The following ZNF385D variants were observed in gnomAD, a reference collection of about 807,000 sequenced individuals.
ZNF385D encodes zinc finger protein 659.
A neutral mutation model predicts 35.8 loss-of-function variants in ZNF385D; 15 were observed. The observed-to-expected ratio is 0.42, with a 90% confidence interval of 0.28 to 0.64. ZNF385D has a LOEUF of 0.64. Among genes scored for constraint, ZNF385D ranks in the 30% least tolerant of loss-of-function variants. The pLI is 0.23. For synonymous variants in ZNF385D, 212 were observed against 186.8 expected (o/e 1.13, Z -1.10); for missense variants, 474 against 494.6 (o/e 0.96, Z 0.39).
intron 3 of ZNF385D, among the ~76,000 whole-genome samples, chr3:22,097,737 G>A (rs1701708002): frequency 6.6e-6 from 1 of 152,064 alleles, no homozygotes; most frequent in African/African-American, 2.4e-5. Context: ...AGCAGCAGCA[G>A]CAGGCAGACT....
In ZNF385D at chr3:22,162,192, T is replaced by C. The variant is rs142809542; in HGVS notation, c.325+6625A>G. On this transcript the variant is annotated intron_variant, in intron 3 of 5. Transcript: ENST00000494108. Reference sequence around the variant, plus strand: ...TGTTGCATTTGCACAATAAAACACATTGTGCATATTTCTTACTGAGACTTT... The same window carrying C: ...TGTTGCATTTGCACAATAAAACACACTGTGCATATTTCTTACTGAGACTTT... Among the ~76,000 whole-genome samples, 21 of 152,222 alleles carry C rather than the reference T, an allele frequency of 1.4e-4. No homozygotes were observed. The East Asian group carries it at 4.1e-3, about 29-fold the overall frequency.
intron 3 of ZNF385D, among the ~76,000 whole-genome samples, chr3:21,794,400 G>A (rs886783310): frequency 1.3e-5 from 2 of 151,996 alleles, no homozygotes; most frequent in African/African-American, 2.4e-5. Context: ...TCATTGAAAC[G>A]ACAGAAAACA....
chr3:21,556,894 T>C (rs1428427449), intron 3 of ZNF385D, among the ~76,000 whole-genome samples: 5 of 152,218 alleles, frequency 3.3e-5, no homozygotes, highest in Admixed American at 3.3e-4. Flanking sequence ...TCACATCCCA[T>C]GTAAGTTGTA....
At chr3:22,202,100 CCTTT>C (rs1696836059) in intron 2 of ZNF385D, among the ~76,000 whole-genome samples, 1 of 151,984 alleles carries the variant, frequency 6.6e-6, no homozygotes, top group South Asian at 2.1e-4. Context: ...TGATTATTTG[CCTTT>C]CTTTAGTTCA....
At chr3:22,123,950 CTCTCTCTCTCTCTATATATATA>C (rs1257020370) in intron 3 of ZNF385D, among the ~76,000 whole-genome samples, 2 of 103,196 alleles carry the variant, frequency 1.9e-5, no homozygotes, top group Non-Finnish European at 2.0e-5. Flanking sequence ...CTCTCTCTCT[CTCTCTCTCTCTCTATATATATA>C]TATATATATA....
chr3:21,492,963 A>G (rs1340676602), intron 4 of ZNF385D, among the ~76,000 whole-genome samples: 1 of 152,052 alleles, frequency 6.6e-6, no homozygotes, highest in East Asian at 1.9e-4. Context: ...CAAATAATGC[A>G]TTATATCATT....
chr3:22,236,000 A>C (rs910804215), intron 2 of ZNF385D, among the ~76,000 whole-genome samples: 4 of 152,176 alleles, frequency 2.6e-5, no homozygotes, highest in African/African-American at 9.7e-5. Flanking sequence ...CACAAAATGC[A>C]CAAGATACAG....
intron 4 of ZNF385D, among the ~76,000 whole-genome samples, chr3:21,499,543 T>G (rs1706210592): frequency 6.6e-6 from 1 of 151,894 alleles, no homozygotes. Context: ...GCTCATTACC[T>G]AGGTGATGAA....
At chr3:22,288,647 C>A (rs563050916) in intron 2 of ZNF385D, among the ~76,000 whole-genome samples, 211 of 152,186 alleles carry the variant, frequency 1.4e-3, no homozygotes, top group African/African-American at 4.5e-3. Flanking sequence ...GCTCCCCTAA[C>A]CTCAGTGAGT....
At chr3:21,449,161 CAG>C (rs1702314867) in intron 4 of ZNF385D, among the ~76,000 whole-genome samples, 1 of 151,368 alleles carries the variant, frequency 6.6e-6, no homozygotes, top group African/African-American at 2.4e-5. Flanking sequence ...TATTTTACGG[CAG>C]AGTTATATTA....
intron 3 of ZNF385D, among the ~76,000 whole-genome samples, chr3:21,869,599 G>A (rs1240985559): frequency 6.6e-6 from 1 of 151,980 alleles, no homozygotes; most frequent in African/African-American, 2.4e-5. Flanking sequence ...CTAAATACAG[G>A]CTTAAAATGT....
intron 3 of ZNF385D, among the ~76,000 whole-genome samples, chr3:21,904,980 G>C (rs966909126): frequency 6.6e-6 from 1 of 151,792 alleles, no homozygotes; most frequent in African/African-American, 2.4e-5. Flanking sequence ...TTTTTGATGA[G>C]TGAAAAATAA....
chr3:21,987,593 C>T (rs1210677283), intron 3 of ZNF385D, among the ~76,000 whole-genome samples: 2 of 131,220 alleles, frequency 1.5e-5, no homozygotes, highest in East Asian at 2.1e-4. Context: ...TCTCTGGCTG[C>T]CCTTAACATT....
At chr3:22,347,434 G>A (rs114512936) in intron 2 of ZNF385D, among the ~76,000 whole-genome samples, 2,046 of 152,188 alleles carry the variant, frequency 0.013, 54 homozygotes, top group African/African-American at 0.046. Context: ...AACTGTACTT[G>A]ATCTATAGCC....
At position 22,257,552 on chromosome 3, in the gene ZNF385D, G is replaced by A. The variant is rs557872209; in HGVS notation, c.107-88517C>T. Among the ~76,000 whole-genome samples the A allele has an allele frequency of 8.6e-5, 13 of 151,586 alleles. No homozygotes were observed. In the South Asian group the frequency reaches 2.7e-3, roughly 32 times the overall value. On this transcript the variant is annotated intron_variant, in intron 2 of 5. Coordinates refer to the ZNF385D transcript ENST00000494108. ...AGGTTTTCTCCAGAATTTCATACGTGGTTTTCTTCTATTTCAATCTATATA... is the reference window on the plus strand; with the variant it reads ...AGGTTTTCTCCAGAATTTCATACGTAGTTTTCTTCTATTTCAATCTATATA...
chr3:21,692,684 A>G (rs1446024161), intron 1 of ZNF385D, among the ~76,000 whole-genome samples: 1 of 152,154 alleles, frequency 6.6e-6, no homozygotes, highest in Non-Finnish European at 1.5e-5. Flanking sequence ...ATCCCTCCCA[A>G]AGAGTGCATG....
intron 2 of ZNF385D, among the ~76,000 whole-genome samples, chr3:21,567,425 G>A (rs1161731400): frequency 6.6e-6 from 1 of 152,008 alleles, no homozygotes; most frequent in Non-Finnish European, 1.5e-5. Context: ...AATGCACAGA[G>A]CTTGAGAAAG....
chr3:22,087,555 G>A (rs1701111027), intron 3 of ZNF385D, among the ~76,000 whole-genome samples: 1 of 152,034 alleles, frequency 6.6e-6, no homozygotes, highest in Admixed American at 6.6e-5. Context: ...GATTTTTCTT[G>A]GACTGTGAGG....
At chr3:22,136,874 C>T (rs760381490) in intron 3 of ZNF385D, among the ~76,000 whole-genome samples, 5 of 152,062 alleles carry the variant, frequency 3.3e-5, no homozygotes, top group East Asian at 1.9e-4. Flanking sequence ...TGTGACATTA[C>T]GGAAAAGGCA....
Sources: allele counts gnomAD v4.1 joint callset (sites outside exome capture counted in the v4.1 genomes callset), GRCh38; gene constraint gnomAD v4.1.1; transcripts MANE v1.5; gene names NCBI Gene and HGNC (gene_info 2026-07-23, HGNC 2026-07-21).